The following INIP variants were observed in gnomAD, a reference collection of about 807,000 sequenced individuals.
INIP encodes INTS3 and NABP interacting protein, also known as SOSS complex subunit C.
A neutral mutation model predicts 14.0 loss-of-function variants in INIP; 9 were observed. That is an observed-to-expected ratio of 0.64 (90% CI 0.39 to 1.12). INIP has a LOEUF of 1.12. INIP is among the 50% of genes most tolerant of loss of function. INIP has a pLI of 0.01. For missense variants in INIP, 78 were observed against 122.7 expected (o/e 0.64, Z 1.72); for synonymous variants, 37 against 41.5 (o/e 0.89, Z 0.41).
At chr9:112,705,993 A>C (rs1018955515) in intron 2 of INIP, among the ~76,000 whole-genome samples, 4 of 152,198 alleles carry the variant, frequency 2.6e-5, no homozygotes, top group African/African-American at 9.7e-5. Context: ...GGTAAGAGAG[A>C]ATAGATTACA....
chr9:112,691,636 G>A (rs969348958), intron 3 of INIP, among the ~76,000 whole-genome samples: 1 of 152,210 alleles, frequency 6.6e-6, no homozygotes, highest in Admixed American at 6.5e-5. Flanking sequence ...ATAGAGAAAT[G>A]TCCACAAAAG....
At chr9:112,716,239 AT>A (rs1481924370) in intron 2 of INIP, among the ~76,000 whole-genome samples, 16 of 151,902 alleles carry the variant, frequency 1.1e-4, no homozygotes, top group Non-Finnish European at 1.9e-4. Context: ...TGCCCAGCTA[AT>A]TTTTGTATTT....
chr9:112,703,022 CAGA>C (rs900115369), intron 2 of INIP, among the ~76,000 whole-genome samples: 2 of 151,806 alleles, frequency 1.3e-5, no homozygotes, highest in Non-Finnish European at 2.9e-5. Context: ...TGCAAGATAT[CAGA>C]AGAATATTCA....
Position 112,692,734 on chromosome 9 carries a change from CA to C in INIP, c.128+1396del, listed in dbSNP as rs537617018. ...CAGTAATAAAAAACCATACAAAACT[CA>C]AAAAAAAAAAAAGGCTATAAGGGCT... On this transcript the variant is annotated intron_variant, in intron 3 of 4. Coordinates refer to ENST00000374242, the MANE Select transcript of INIP (RefSeq NM_021218.3). Among the ~76,000 whole-genome samples the C allele has an allele frequency of 6.8e-3, 890 of 131,208 alleles. 2 individuals are homozygous for C. Among genetic ancestry groups the C allele is most frequent in the African/African-American group, 0.014 (514 of 35,888 alleles). The allele number at this position is 131,208 out of a possible 152,430, so 86.1% of individuals were successfully genotyped here. A position where few individuals can be genotyped will look rare whatever the true frequency, so the allele number is the denominator to read the frequency against.
rs1370584312 is a variant in INIP at position 112,711,616 on chromosome 9, T to C, written c.25+4845A>G. Among the ~76,000 whole-genome samples, 5 of 152,326 alleles carry C rather than the reference T, an allele frequency of 3.3e-5. No homozygotes were observed. In the East Asian group the frequency reaches 9.6e-4, roughly 29 times the overall value. ...GTTTTCATCTGAGCTCAAATTAAGTTATTTTTAATATGGGCCCTTATAATT... is the reference window on the plus strand; with the variant it reads ...GTTTTCATCTGAGCTCAAATTAAGTCATTTTTAATATGGGCCCTTATAATT... On this transcript the variant is annotated intron_variant, in intron 2 of 4. Transcript: ENST00000374242.
intron 2 of INIP, among the ~76,000 whole-genome samples, chr9:112,713,952 C>T (rs538245419): frequency 6.6e-6 from 1 of 151,266 alleles, no homozygotes; most frequent in Admixed American, 6.6e-5. Context: ...CTATTGCACT[C>T]CAGCTTGGGC....
chr9:112,699,345 C>A (rs376606956), intron 2 of INIP, among the ~76,000 whole-genome samples: 2 of 151,996 alleles, frequency 1.3e-5, no homozygotes, highest in African/African-American at 2.4e-5. Context: ...AAAAAAGATT[C>A]TTTCTCTTTA....
chr9:112,708,181 G>T (rs190783669), intron 2 of INIP, among the ~76,000 whole-genome samples: 209 of 152,310 alleles, frequency 1.4e-3, no homozygotes, highest in African/African-American at 4.7e-3. Flanking sequence ...ATTATTGTAG[G>T]AATGAATGCT....
intron 4 of INIP, 42 bp from the exon 5 acceptor site, chr9:112,687,675 TAG>T (rs755120988): frequency 7.6e-6 from 9 of 1,177,336 alleles, no homozygotes; most frequent in Admixed American, 1.9e-5. Context: ...AGCTATTAAA[TAG>T]AGTCACAATT....
At chr9:112,713,042 T>C (rs1243626879) in intron 2 of INIP, among the ~76,000 whole-genome samples, 1 of 152,068 alleles carries the variant, frequency 6.6e-6, no homozygotes, top group Admixed American at 6.6e-5. Context: ...TGGGAGGAAA[T>C]ACGTGCAAAA....
At chr9:112,689,463 A>G (rs1228259556) in intron 4 of INIP, 64 bp downstream of exon 4, 15 of 1,224,442 alleles carry the variant, frequency 1.2e-5, no homozygotes, top group Non-Finnish European at 1.7e-5. Context: ...TAAAATAACT[A>G]TGTGCCGGCT....
rs1260288449 is a variant in INIP at position 112,684,043 on chromosome 9, T to C, written c.*3495A>G. ...TGCCATAACTCACAGTAAAAAAAAA[T>C]ACATTTTATATTGCAACTCAAGTCT... On this transcript the variant is annotated 3_prime_UTR_variant, in exon 5 of 5. Transcript: ENST00000374242. 1 of 152,106 alleles carries C rather than the reference T, an allele frequency of 6.6e-6. No homozygotes were observed. The highest frequency in any genetic ancestry group is 1.5e-5 in the Non-Finnish European group (1 of 68,026). The allele number at this position is 152,106 out of a possible 1,614,324, so 9.4% of individuals were successfully genotyped here.
In INIP at chr9:112,687,283, A is replaced by T. The variant is rs79679349; in HGVS notation, c.*255T>A. The T allele has an allele frequency of 1.2e-5, 4 of 324,640 alleles. No homozygotes were observed. In the East Asian group the frequency reaches 2.1e-4, roughly 17 times the overall value. The allele number at this position is 324,640 out of a possible 1,614,324, so 20.1% of individuals were successfully genotyped here. A position where few individuals can be genotyped will look rare whatever the true frequency, so the allele number is the denominator to read the frequency against. On this transcript the variant is annotated 3_prime_UTR_variant, in exon 5 of 5. Coordinates refer to ENST00000374242, the MANE Select transcript of INIP (RefSeq NM_021218.3). ...TCGTGACCATCCAGTTCACAGTCTG[A>T]TTGAGAGTTAAACAGCATTACAAAA...
intron 3 of INIP, among the ~76,000 whole-genome samples, chr9:112,691,062 T>C (rs1837868542): frequency 6.6e-6 from 1 of 152,216 alleles, no homozygotes; most frequent in Non-Finnish European, 1.5e-5. Context: ...TACTTCCCGA[T>C]TAAAGCTTGC....
intron 2 of INIP, among the ~76,000 whole-genome samples, chr9:112,703,583 G>T (rs1373740535): frequency 6.6e-6 from 1 of 152,058 alleles, no homozygotes; most frequent in Non-Finnish European, 1.5e-5. Flanking sequence ...ACAACAACAA[G>T]GGAGAGTACT....
chr9:112,693,375 C>T (rs1837961426), intron 3 of INIP, among the ~76,000 whole-genome samples: 1 of 152,212 alleles, frequency 6.6e-6, no homozygotes, highest in South Asian at 2.1e-4. Context: ...AGCCTAGGGA[C>T]AGCAGCAGAG....
At chr9:112,705,501 G>C (rs896941624) in intron 2 of INIP, among the ~76,000 whole-genome samples, 6 of 152,058 alleles carry the variant, frequency 3.9e-5, no homozygotes, top group African/African-American at 1.4e-4. Flanking sequence ...TATACAAATG[G>C]GGTCCCCTTG....
At chr9:112,711,809 T>C (rs1344016264) in intron 2 of INIP, among the ~76,000 whole-genome samples, 1 of 152,208 alleles carries the variant, frequency 6.6e-6, no homozygotes, top group Non-Finnish European at 1.5e-5. Context: ...ACTATAATTC[T>C]ACGAAACTCA....
At chr9:112,715,129 T>TAC (rs1408313814) in intron 2 of INIP, among the ~76,000 whole-genome samples, 41 of 100,994 alleles carry the variant, frequency 4.1e-4, no homozygotes, top group Non-Finnish European at 6.6e-4. Flanking sequence ...CATACATACA[T>TAC]ACATACACAC....
Sources: gnomAD v4.1 joint callset for allele counts (sites outside exome capture counted in the v4.1 genomes callset) on GRCh38, gnomAD v4.1.1 for gene constraint, MANE v1.5 for transcripts, NCBI Gene and HGNC (gene_info 2026-07-23, HGNC 2026-07-21) for gene names.